Variants in TTC6 observed in about 807,000 individuals in gnomAD.
TTC6 encodes tetratricopeptide repeat protein 6.
In TTC6, 172 loss-of-function variants were observed where a neutral mutation model predicts 210.4. That is an observed-to-expected ratio of 0.82 (90% confidence interval 0.72 to 0.93). The LOEUF (loss-of-function observed/expected upper bound fraction) is 0.93, where lower values mean the gene tolerates loss of function less well. Ranked by LOEUF, TTC6 falls within the 40% of genes least tolerant of loss-of-function variation. The probability of loss-of-function intolerance (pLI) is 0.00; values close to 1 mark genes in which losing one functional copy is unlikely to be tolerated. For synonymous variants in TTC6, 804 were observed against 819.6 expected (o/e 0.98, Z 0.32); for missense variants, 2,414 against 2,318.1 (o/e 1.04, Z -0.85).
At chr14:37,694,007 C>T (rs1050263487) in intron 3 of TTC6, among the ~76,000 whole-genome samples, 2 of 148,954 alleles carry the variant, frequency 1.3e-5, no homozygotes, top group African/African-American at 4.9e-5. Flanking sequence ...AACAAACAAA[C>T]AAACAAACAC....
rs748900126 is a variant in TTC6, at chr14:37,787,550, C to T, written c.3349C>T (p.Pro1117Ser). 3.9e-6 allele frequency: 6 copies of T among 1,531,150 alleles called. No homozygotes were observed. In the South Asian group the frequency reaches 7.2e-5, roughly 18 times the overall value. 94.8% of individuals were successfully genotyped at this position (1,531,150 alleles called of 1,614,324 possible). A position where few individuals can be genotyped will look rare whatever the true frequency, so the allele number is the denominator to read the frequency against. The stretch of plus-strand genomic sequence containing the variant: ...TTTTTCTGCTGCAATTCACTTAGAT[C>T]CTAATAACTGGTTAGCGTTGTATTA... Residue 1117 changes from proline to serine, a missense_variant, in exon 15 of 31, where the codon CCT becomes TCT. Transcript: ENST00000553443.
chr14:37,683,521 G>A (rs967210728), intron 3 of TTC6, among the ~76,000 whole-genome samples: 1 of 152,062 alleles, frequency 6.6e-6, no homozygotes, highest in Admixed American at 6.6e-5. Context: ...ACTGCAGTGT[G>A]GAAATAGGTG....
chr14:37,799,162 A>C (rs145515633), intron 20 of TTC6, among the ~76,000 whole-genome samples: 9 of 152,276 alleles, frequency 5.9e-5, no homozygotes, highest in African/African-American at 2.2e-4. Flanking sequence ...TATCTAGTAC[A>C]TGGCACACAT....
intron 8 of TTC6, 67 bp downstream of exon 10, chr14:37,736,077 A>T (rs1366739862): frequency 1.2e-6 from 1 of 841,202 alleles, no homozygotes; most frequent in Non-Finnish European, 1.8e-6. Flanking sequence ...GATATTAATT[A>T]TGGTAATTCC....
chr14:37,671,301 G>A (rs2095757681), intron 1 of TTC6, among the ~76,000 whole-genome samples: 1 of 152,106 alleles, frequency 6.6e-6, no homozygotes, highest in African/African-American at 2.4e-5. Flanking sequence ...TGCGGAACTT[G>A]CCATATTTTT....
chr14:37,727,118 A>G (rs978949469), intron 7 of TTC6, among the ~76,000 whole-genome samples: 3 of 151,740 alleles, frequency 2.0e-5, no homozygotes, highest in Non-Finnish European at 4.4e-5. Flanking sequence ...TGGCTATTAG[A>G]TATCGTGGCC....
intron 3 of TTC6, among the ~76,000 whole-genome samples, chr14:37,688,829 C>T (rs1305794611): frequency 6.6e-6 from 1 of 152,068 alleles, no homozygotes; most frequent in Non-Finnish European, 1.5e-5. Context: ...GGAAAGCCTT[C>T]CCCAAAGGGA....
At chr14:37,636,584 T>C (rs2095681201) in intron 1 of TTC6, among the ~76,000 whole-genome samples, 1 of 150,902 alleles carries the variant, frequency 6.6e-6, no homozygotes, top group African/African-American at 2.4e-5. Context: ...AAAAAAAAAG[T>C]CAAAATTTGT....
intron 14 of TTC6, among the ~76,000 whole-genome samples, chr14:37,787,231 A>T (rs1235813672): frequency 6.6e-6 from 1 of 152,250 alleles, no homozygotes; most frequent in Non-Finnish European, 1.5e-5. Flanking sequence ...TAGTAAGCAT[A>T]TAATTAATAT....
chr14:37,675,628 C>A (rs932463046), intron 1 of TTC6, among the ~76,000 whole-genome samples: 1 of 151,974 alleles, frequency 6.6e-6, no homozygotes, highest in Admixed American at 6.6e-5. Context: ...TAATAGTATG[C>A]AAGTTTTTGA....
intron 10 of TTC6, among the ~76,000 whole-genome samples, chr14:37,742,171 G>A (rs17107062): frequency 0.011 from 1,726 of 152,208 alleles, 31 homozygotes; most frequent in African/African-American, 0.039. Context: ...TGCCAATGGC[G>A]TTCCTATCCC....
At chr14:37,677,371 C>T (rs2095772280) in intron 1 of TTC6, among the ~76,000 whole-genome samples, 1 of 151,918 alleles carries the variant, frequency 6.6e-6, no homozygotes, top group South Asian at 2.1e-4. Context: ...GAAAATAAAA[C>T]TTATTTTTAC....
At chr14:37,639,875 G>T (rs573671749) in intron 1 of TTC6, among the ~76,000 whole-genome samples, 7 of 140,220 alleles carry the variant, frequency 5.0e-5, no homozygotes, top group Non-Finnish European at 6.1e-5. Context: ...GACAGAGTGA[G>T]ACCCTGTCTT....
intron 25 of TTC6, among the ~76,000 whole-genome samples, chr14:37,813,217 C>CATTTGGATTCTGT (rs2096133687): frequency 6.6e-6 from 1 of 151,984 alleles, no homozygotes; most frequent in South Asian, 2.1e-4. Flanking sequence ...GAGATTCTGT[C>CATTTGGATTCTGT]CAAATAATCA....
At chr14:37,605,234 G>T (rs191596066) in intron 1 of TTC6, among the ~76,000 whole-genome samples, 4 of 152,274 alleles carry the variant, frequency 2.6e-5, no homozygotes, top group African/African-American at 7.2e-5. Flanking sequence ...AAGTTTGGAA[G>T]GGCTGCAGTT....
At chr14:37,732,246 G>A (rs1248085492) in intron 7 of TTC6, among the ~76,000 whole-genome samples, 2 of 120,998 alleles carry the variant, frequency 1.7e-5, no homozygotes, top group Non-Finnish European at 3.2e-5. Flanking sequence ...GCAGTGGCGC[G>A]ATCTAGGCTC....
At chr14:37,824,556 G>A (rs1001002594) in intron 27 of TTC6, among the ~76,000 whole-genome samples, 1 of 152,110 alleles carries the variant, frequency 6.6e-6, no homozygotes, top group Non-Finnish European at 1.5e-5. Context: ...TAGGGATATA[G>A]CAATGAACAA....
chr14:37,686,032 C>T (rs2095793054), intron 3 of TTC6, among the ~76,000 whole-genome samples: 1 of 152,024 alleles, frequency 6.6e-6, no homozygotes, highest in Non-Finnish European at 1.5e-5. Context: ...CATTTATTTT[C>T]CTAGAATTCC....
At chr14:37,690,459 T>C (rs1171122675) in intron 3 of TTC6, among the ~76,000 whole-genome samples, 1 of 152,024 alleles carries the variant, frequency 6.6e-6, no homozygotes, top group Non-Finnish European at 1.5e-5. Context: ...AAAATAAGAC[T>C]GATTGATCTG....
Sources: gnomAD v4.1 joint callset for allele counts (sites outside exome capture counted in the v4.1 genomes callset) on GRCh38, gnomAD v4.1.1 for gene constraint, MANE v1.5 for transcripts, NCBI Gene and HGNC (gene_info 2026-07-23, HGNC 2026-07-21) for gene names.